The following SIPA1L1 variants were observed in gnomAD, a reference collection of about 807,000 sequenced individuals.
The protein encoded by SIPA1L1 is signal-induced proliferation-associated 1-like protein 1.
Under a neutral mutation model 162.7 loss-of-function variants are expected in SIPA1L1, and 26 were observed. The ratio of observed to expected loss-of-function variants is 0.16; its 90% CI spans 0.12 to 0.22. The LOEUF is 0.22. SIPA1L1 is among the 10% of genes least tolerant of loss of function. SIPA1L1 has a pLI of 1.00. For synonymous variants in SIPA1L1, 829 were observed against 837.4 expected (o/e 0.99, Z 0.17); for missense variants, 1,874 against 2,241.0 (o/e 0.84, Z 3.31).
At chr14:71,524,331 T>A (rs2052650350) in intron 3 of SIPA1L1, among the ~76,000 whole-genome samples, 1 of 152,218 alleles carries the variant, frequency 6.6e-6, no homozygotes, top group South Asian at 2.1e-4. Context: ...TGTGGTTATG[T>A]TATGTATTCC....
intron 3 of SIPA1L1, among the ~76,000 whole-genome samples, chr14:71,519,090 T>A (rs1595876772): frequency 6.6e-6 from 1 of 152,082 alleles, no homozygotes; most frequent in Non-Finnish European, 1.5e-5. Context: ...CAAGTTGAGA[T>A]TTCAGTGGGG....
At chr14:71,526,926 G>A (rs1483581236) in intron 3 of SIPA1L1, among the ~76,000 whole-genome samples, 1 of 152,134 alleles carries the variant, frequency 6.6e-6, no homozygotes, top group Non-Finnish European at 1.5e-5. Flanking sequence ...CTGCTTTATT[G>A]GATGCTGCCA....
chr14:71,566,510 A>G (rs1357752389), intron 4 of SIPA1L1, among the ~76,000 whole-genome samples: 1 of 152,220 alleles, frequency 6.6e-6, no homozygotes, highest in African/African-American at 2.4e-5. Flanking sequence ...TTGGTGTGGC[A>G]TTAGCACACG....
At chr14:71,599,759 G>T (rs1377742242) in intron 5 of SIPA1L1, among the ~76,000 whole-genome samples, 3 of 151,986 alleles carry the variant, frequency 2.0e-5, no homozygotes, top group African/African-American at 7.2e-5. Context: ...CCTTTTCTCT[G>T]CATCTTCACC....
intron 7 of SIPA1L1, among the ~76,000 whole-genome samples, chr14:71,632,082 T>C (rs2040630082): frequency 6.6e-6 from 1 of 152,154 alleles, no homozygotes; most frequent in Non-Finnish European, 1.5e-5. Context: ...TAAAACTAAG[T>C]TTGGACTCTG....
At chr14:71,477,518 A>AT (rs1277190679) in intron 2 of SIPA1L1, among the ~76,000 whole-genome samples, 5 of 152,204 alleles carry the variant, frequency 3.3e-5, no homozygotes, top group South Asian at 2.1e-4. Context: ...TTAATTAATT[A>AT]TTTTAACAGA....
At chr14:71,334,766 T>G (rs1215588047) in intron 2 of SIPA1L1, among the ~76,000 whole-genome samples, 2 of 152,174 alleles carry the variant, frequency 1.3e-5, no homozygotes, top group African/African-American at 4.8e-5. Flanking sequence ...ACTTATATAT[T>G]CTAGTTTTTT....
At chr14:71,543,841 T>TATGTGTATATATACATATATCATAC (rs2054717553) in intron 4 of SIPA1L1, among the ~76,000 whole-genome samples, 1 of 149,404 alleles carries the variant, frequency 6.7e-6, no homozygotes. Flanking sequence ...ATATATCATA[T>TATGTGTATATATACATATATCATAC]GTATGTGTAT....
intron 2 of SIPA1L1, among the ~76,000 whole-genome samples, chr14:71,420,816 TA>T (rs1006819665): frequency 1.8e-4 from 28 of 152,224 alleles, no homozygotes; most frequent in African/African-American, 6.3e-4. Context: ...GAGAAGCACT[TA>T]AAAAAATAGC....
chr14:71,536,017 T>C (rs2053864891), intron 4 of SIPA1L1, among the ~76,000 whole-genome samples: 1 of 152,178 alleles, frequency 6.6e-6, no homozygotes, highest in African/African-American at 2.4e-5. Context: ...CTACGGCAGC[T>C]TCACGTAACT....
Position 71,335,571 on chromosome 14 carries a change from G to A in SIPA1L1, c.-465+14390G>A, listed in dbSNP as rs563435852. On this transcript the variant is annotated intron_variant, in intron 2 of 23. Transcript: ENST00000381232. ...AATACCATCTAAGTAAGCATTCTAA[G>A]TGTTCAGTGGAAAGAGAATGGTAAT... Among the ~76,000 whole-genome samples the A allele has an allele frequency of 3.7e-4, 57 of 152,306 alleles. No individual in the cohort carries two copies. The South Asian group carries it at 0.012, about 32-fold the overall frequency.
intron 5 of SIPA1L1, among the ~76,000 whole-genome samples, chr14:71,592,075 C>T (rs2035474789): frequency 1.3e-5 from 2 of 152,158 alleles, no homozygotes; most frequent in Non-Finnish European, 2.9e-5. Context: ...ATGTATGGCA[C>T]CTAGGGATCA....
chr14:71,335,172 C>T (rs1454589699), intron 2 of SIPA1L1, among the ~76,000 whole-genome samples: 1 of 152,080 alleles, frequency 6.6e-6, no homozygotes, highest in Non-Finnish European at 1.5e-5. Flanking sequence ...TGGTAGTGGG[C>T]GCCTGTAGTT....
chr14:71,397,912 A>G (rs1418500835), intron 2 of SIPA1L1, among the ~76,000 whole-genome samples: 2 of 151,276 alleles, frequency 1.3e-5, no homozygotes, highest in African/African-American at 4.9e-5. Context: ...TTCTACTTTT[A>G]ATTGACCTTT....
At position 71,739,125 on chromosome 14, in the gene SIPA1L1, C is replaced by G; in HGVS notation, c.5316C>G (p.Phe1772Leu). The change falls in exon 24 of 24, where the codon TTC becomes TTG. Residue 1772 changes from phenylalanine (F) to leucine (L), a missense_variant. Phe to Leu is a conservative substitution (Grantham distance 22). This residue lies in a region of SIPA1L1 where 936 missense variants were observed against 1,051.9 expected (regional missense o/e 0.89). Transcript: ENST00000381232. ...ACGCCTCGGACAAGCTGAAGAAGTTCACAGAATGGGTCTTCAACACCATAG... is the reference window on the plus strand; with the variant it reads ...ACGCCTCGGACAAGCTGAAGAAGTTGACAGAATGGGTCTTCAACACCATAG... ...SQNASDKLKK[F>L]TEWVFNTIDM... 6.2e-7 allele frequency: 1 copy of G among 1,613,954 alleles called. No homozygotes were observed. The highest frequency in any genetic ancestry group is 8.5e-7 in the Non-Finnish European group (1 of 1,179,918).
chr14:71,634,810 C>G (rs1294956048), intron 7 of SIPA1L1, among the ~76,000 whole-genome samples: 1 of 151,808 alleles, frequency 6.6e-6, no homozygotes, highest in Non-Finnish European at 1.5e-5. Context: ...GTGGCAGGAG[C>G]CTGTAGTCCC....
At chr14:71,479,383 A>G (rs991716177) in intron 2 of SIPA1L1, among the ~76,000 whole-genome samples, 1 of 128,454 alleles carries the variant, frequency 7.8e-6, no homozygotes. Flanking sequence ...GTGTGTATAT[A>G]TGTATGTATT....
At chr14:71,437,981 G>A (rs1404969601) in intron 2 of SIPA1L1, among the ~76,000 whole-genome samples, 2 of 152,060 alleles carry the variant, frequency 1.3e-5, no homozygotes, top group Non-Finnish European at 2.9e-5. Flanking sequence ...AACATGGGCC[G>A]TGACTCACAT....
At chr14:71,349,540 T>C (rs1365155032) in intron 2 of SIPA1L1, among the ~76,000 whole-genome samples, 1 of 152,086 alleles carries the variant, frequency 6.6e-6, no homozygotes, top group Non-Finnish European at 1.5e-5. Context: ...AGAAAGGAAA[T>C]AGATTTTTTT....
Sources: allele counts gnomAD v4.1 joint callset (sites outside exome capture counted in the v4.1 genomes callset), GRCh38; gene constraint gnomAD v4.1.1; regional missense constraint gnomAD v4.1.1; transcripts MANE v1.5; gene names NCBI Gene and HGNC (gene_info 2026-07-23, HGNC 2026-07-21).